The following PDZD2 variants were observed in gnomAD, a reference collection of about 807,000 sequenced individuals.
PDZD2 encodes the protein PDZ domain-containing protein 2.
A neutral mutation model predicts 220.7 loss-of-function variants in PDZD2; 90 were observed. The observed-to-expected ratio is 0.41, with a 90% confidence interval of 0.34 to 0.49. PDZD2 has a LOEUF of 0.49. Ranked by LOEUF, PDZD2 falls within the 20% of genes least tolerant of loss-of-function variation. The probability of loss-of-function intolerance (pLI) is 0.28; values close to 1 mark genes in which losing one functional copy is unlikely to be tolerated. For synonymous variants in PDZD2, 1,375 were observed against 1,450.5 expected (o/e 0.95, Z 1.18); for missense variants, 3,174 against 3,608.5 (o/e 0.88, Z 3.08).
intron 1 of PDZD2, among the ~76,000 whole-genome samples, chr5:31,776,191 C>G (rs1249454859): frequency 6.6e-6 from 1 of 152,164 alleles, no homozygotes; most frequent in African/African-American, 2.4e-5. Flanking sequence ...TCATCTTGGA[C>G]TCCTCCTCTT....
chr5:32,017,874 A>C (rs1020049454), intron 6 of PDZD2, among the ~76,000 whole-genome samples: 2 of 152,186 alleles, frequency 1.3e-5, no homozygotes, highest in African/African-American at 4.8e-5. Context: ...TGAGTGTCAG[A>C]GATGTGGGTT....
chr5:32,095,161 A>G (rs1743538743), intron 21 of PDZD2, among the ~76,000 whole-genome samples: 1 of 152,136 alleles, frequency 6.6e-6, no homozygotes, highest in Non-Finnish European at 1.5e-5. Context: ...AACCTCAAAC[A>G]AAGTATGGCC....
intron 22 of PDZD2, 110 bp downstream of exon 22, chr5:32,097,490 TC>T (rs1743833912): frequency 1.4e-6 from 1 of 722,880 alleles, no homozygotes; most frequent in Non-Finnish European, 2.5e-6. Context: ...TGGATTTCAT[TC>T]CCAGCTACCA....
rs769923530 is a variant in PDZD2, at chr5:32,098,378, T to C, written c.7962T>C (p.Phe2654=). The change falls in exon 23 of 25, where the codon TTT becomes TTC. Residue 2654 remains phenylalanine, a synonymous_variant. Transcript: ENST00000438447. The surrounding 1 kb of genome is among the most constrained non-coding windows in gnomAD (Gnocchi z 4.1). ...EPKSITVHRV[F]SQGAASQEGT... is the part of the protein sequence containing the mutation. ...CCTCATCCCAGGTCCACAGGGTGTT[T>C]TCTCAGGGGGCGGCTTCTCAGGAAG... 2 of 1,614,158 alleles carry C rather than the reference T, an allele frequency of 1.2e-6. No homozygotes were observed. Among genetic ancestry groups the C allele is most frequent in the Non-Finnish European group, 1.7e-6 (2 of 1,180,006 alleles).
chr5:31,864,837 GTCTTTTTT>G (rs1351642106), intron 2 of PDZD2, among the ~76,000 whole-genome samples: 1 of 106,648 alleles, frequency 9.4e-6, no homozygotes, highest in African/African-American at 3.6e-5. Flanking sequence ...TATGAGATTT[GTCTTTTTT>G]TTTTTTTTTT....
At chr5:31,998,562 C>G (rs768405756) in intron 4 of PDZD2, among the ~76,000 whole-genome samples, 1 of 152,158 alleles carries the variant, frequency 6.6e-6, no homozygotes, top group Admixed American at 6.5e-5. Context: ...ACAAACGGAG[C>G]TTCTGGGCGT....
chr5:31,699,778 T>G (rs1187186407), intron 1 of PDZD2, among the ~76,000 whole-genome samples: 1 of 134,870 alleles, frequency 7.4e-6, no homozygotes, highest in Non-Finnish European at 1.6e-5. Flanking sequence ...TTTTTTTTTG[T>G]TTGTTTTTTT....
In PDZD2 at chr5:32,098,559, G is replaced by A. The variant is rs779444470; in HGVS notation, c.8143G>A (p.Ala2715Thr). The change falls in exon 23 of 25, where the codon GCC (alanine) becomes ACC (threonine). Residue 2715 changes from alanine (A) to threonine (T), a missense_variant. By Grantham distance (58) the Ala-to-Thr change is moderately conservative. This residue lies in a region of PDZD2 where 631 missense variants were observed against 789.9 expected (regional missense o/e 0.80). Transcript: ENST00000438447. The surrounding 1 kb of genome is among the most constrained non-coding windows in gnomAD (Gnocchi z 4.1). Reference protein sequence around the residue: ...KKGMDQPRPSARQEPPTANGK... With the variant: ...KKGMDQPRPSTRQEPPTANGK... ...AGGGATGGATCAGCCCAGGCCCTCT[G>A]CCCGGCAGGAGCCTCCCACAGCCAA... 4 of 1,614,096 alleles carry A rather than the reference G, an allele frequency of 2.5e-6. No individual in the cohort carries two copies. Among genetic ancestry groups the A allele is most frequent in the Non-Finnish European group, 3.4e-6 (4 of 1,179,956 alleles).
At chr5:31,980,056 C>A (rs150834374) in intron 2 of PDZD2, among the ~76,000 whole-genome samples, 1 of 152,098 alleles carries the variant, frequency 6.6e-6, no homozygotes, top group Non-Finnish European at 1.5e-5. Context: ...TTTTAAAAAC[C>A]GAGACATATT....
chr5:32,081,520 C>A (rs910054151), intron 19 of PDZD2, among the ~76,000 whole-genome samples: 1 of 152,124 alleles, frequency 6.6e-6, no homozygotes, highest in African/African-American at 2.4e-5. Context: ...CTGAAATACC[C>A]GATTACCGGA....
At chr5:32,034,278 G>A (rs1432435574) in intron 6 of PDZD2, among the ~76,000 whole-genome samples, 1 of 151,812 alleles carries the variant, frequency 6.6e-6, no homozygotes, top group Non-Finnish European at 1.5e-5. Flanking sequence ...AGGCGGTAAT[G>A]TCTTACAAGC....
intron 2 of PDZD2, among the ~76,000 whole-genome samples, chr5:31,907,782 G>A (rs1170782591): frequency 6.6e-6 from 1 of 152,114 alleles, no homozygotes; most frequent in Non-Finnish European, 1.5e-5. Context: ...ATTAAATGAA[G>A]GCATAAGAAA....
chr5:31,852,203 G>A (rs767793440), intron 2 of PDZD2, among the ~76,000 whole-genome samples: 7 of 152,174 alleles, frequency 4.6e-5, no homozygotes, highest in Non-Finnish European at 8.8e-5. Flanking sequence ...AGACTGAGCT[G>A]AGGCAACAAA....
chr5:31,835,425 C>A (rs1356586261), intron 2 of PDZD2, among the ~76,000 whole-genome samples: 1 of 102,078 alleles, frequency 9.8e-6, no homozygotes. Context: ...TCGAGACCAG[C>A]CTGGCCAACA....
At chr5:31,788,454 A>T (rs1753510631) in intron 1 of PDZD2, among the ~76,000 whole-genome samples, 1 of 152,298 alleles carries the variant, frequency 6.6e-6, no homozygotes, top group South Asian at 2.1e-4. Flanking sequence ...TCACGAGTTC[A>T]GGAGATCGAG....
intron 17 of PDZD2, among the ~76,000 whole-genome samples, chr5:32,072,518 G>T (rs1398837223): frequency 6.6e-6 from 1 of 152,192 alleles, no homozygotes; most frequent in African/African-American, 2.4e-5. Context: ...ATCACTTGAG[G>T]TTAGGAGTTC....
At chr5:31,705,189 CACACACACACACACACACACAT>C (rs1215164942) in intron 1 of PDZD2, among the ~76,000 whole-genome samples, 1 of 64,336 alleles carries the variant, frequency 1.6e-5, no homozygotes, top group Non-Finnish European at 2.7e-5. Flanking sequence ...CACACACACA[CACACACACACACACACACACAT>C]ACACACTCAC....
chr5:31,824,999 C>T (rs1344580704), intron 2 of PDZD2, among the ~76,000 whole-genome samples: 1 of 152,176 alleles, frequency 6.6e-6, no homozygotes, highest in East Asian at 1.9e-4. Context: ...CCTGCAGTTC[C>T]ATATGTGCTA....
chr5:31,913,943 C>G (rs1743424843), intron 2 of PDZD2, among the ~76,000 whole-genome samples: 1 of 100,094 alleles, frequency 1.0e-5, no homozygotes, highest in Non-Finnish European at 2.4e-5. Context: ...AACCTCTCCC[C>G]TACCCCCAGC....
Sources: allele counts gnomAD v4.1 joint callset (sites outside exome capture counted in the v4.1 genomes callset), GRCh38; gene constraint gnomAD v4.1.1; regional missense constraint gnomAD v4.1.1; non-coding constraint Gnocchi (gnomAD v3.1); transcripts MANE v1.5; gene names NCBI Gene and HGNC (gene_info 2026-07-23, HGNC 2026-07-21).